Variants in MET observed in about 807,000 individuals in gnomAD.
The protein encoded by MET is MET proto-oncogene, receptor tyrosine kinase.
Under a neutral mutation model 133.1 loss-of-function variants are expected in MET, and 48 were observed. That is an observed-to-expected ratio of 0.36 (90% CI 0.29 to 0.46). The LOEUF (loss-of-function observed/expected upper bound fraction) is 0.46. MET is among the 20% of genes least tolerant of loss of function. The probability of loss-of-function intolerance (pLI) is 1.00; values close to 1 mark genes in which losing one functional copy is unlikely to be tolerated. For missense variants in MET, 1,442 were observed against 1,695.9 expected (o/e 0.85, Z 2.63); for synonymous variants, 628 against 616.5 (o/e 1.02, Z -0.28).
chr7:116,726,426 G>A (rs778787496), intron 2 of MET, among the ~76,000 whole-genome samples: 3 of 151,416 alleles, frequency 2.0e-5, no homozygotes, highest in Non-Finnish European at 2.9e-5. Flanking sequence ...CAAGCTATAC[G>A]GTATCTTCCT....
chr7:116,675,926 T>C (rs955999291), intron 1 of MET, among the ~76,000 whole-genome samples: 2 of 152,194 alleles, frequency 1.3e-5, no homozygotes, highest in Non-Finnish European at 2.9e-5. Context: ...TCAGATATCT[T>C]TTCAGCTGTG....
intron 11 of MET, among the ~76,000 whole-genome samples, chr7:116,766,597 C>G (rs1306125971): frequency 6.6e-6 from 1 of 152,114 alleles, no homozygotes; most frequent in African/African-American, 2.4e-5. Flanking sequence ...GTTCTGAGTC[C>G]AGACAGGATA....
chr7:116,713,018 C>A (rs1437669799), intron 2 of MET, among the ~76,000 whole-genome samples: 2 of 152,108 alleles, frequency 1.3e-5, no homozygotes, highest in Non-Finnish European at 2.9e-5. Flanking sequence ...AGTAGAGATA[C>A]CCCCTTGAAA....
chr7:116,740,832 T>C lies in MET; in HGVS notation c.1528-20T>C, dbSNP rs2116833304. 1 of 1,613,668 alleles carries C rather than the reference T, an allele frequency of 6.2e-7. No homozygotes were observed. Among genetic ancestry groups the C allele is most frequent in the Non-Finnish European group, 8.5e-7 (1 of 1,179,964 alleles). On this transcript the variant is annotated intron_variant, in intron 4 of 20. Transcript: ENST00000397752. ...ACTAGATACCCCTCTGGAAGCTCTTTCCACCCCTTCTCTTCACAGATCACG... is the reference window on the plus strand; with the variant it reads ...ACTAGATACCCCTCTGGAAGCTCTTCCCACCCCTTCTCTTCACAGATCACG...
intron 19 of MET, among the ~76,000 whole-genome samples, chr7:116,785,978 G>A (rs2117075992): frequency 6.6e-6 from 1 of 152,322 alleles, no homozygotes; most frequent in South Asian, 2.1e-4. Flanking sequence ...ATGTGAATCT[G>A]CAACTTGTAA....
intron 17 of MET, 56 bp downstream of exon 17, chr7:116,779,013 T>A: frequency 6.4e-7 from 1 of 1,562,192 alleles, no homozygotes; most frequent in Non-Finnish European, 8.8e-7. Context: ...CAGCCATCCC[T>A]TCAAAATAGG....
intron 1 of MET, among the ~76,000 whole-genome samples, chr7:116,686,774 G>C (rs1352971438): frequency 6.6e-6 from 1 of 152,128 alleles, no homozygotes; most frequent in Non-Finnish European, 1.5e-5. Flanking sequence ...TGTCAACCCA[G>C]CCCACCTGGC....
At chr7:116,716,183 G>A (rs1017727184) in intron 2 of MET, among the ~76,000 whole-genome samples, 9 of 151,548 alleles carry the variant, frequency 5.9e-5, no homozygotes, top group African/African-American at 2.2e-4. Context: ...GCCCAGAAGG[G>A]AAGAGGTTGC....
At chr7:116,789,448 G>A (rs376914803) in intron 19 of MET, among the ~76,000 whole-genome samples, 5 of 152,002 alleles carry the variant, frequency 3.3e-5, no homozygotes, top group Admixed American at 1.3e-4. Context: ...TTCAGTGTTC[G>A]GTTTTTCAGG....
At chr7:116,774,785 TATCA>T (rs1184886521) in intron 14 of MET, 92 bp from the exon 15 acceptor site, 2 of 911,802 alleles carry the variant, frequency 2.2e-6, no homozygotes, top group South Asian at 1.4e-5. Flanking sequence ...TTATCATTTT[TATCA>T]AACTAATTCC....
intron 2 of MET, among the ~76,000 whole-genome samples, chr7:116,709,593 C>T (rs956328465): frequency 6.6e-6 from 1 of 151,896 alleles, no homozygotes; most frequent in African/African-American, 2.4e-5. Context: ...GGGTGTTTTC[C>T]AAGGGAATAG....
At chr7:116,727,344 C>T (rs1406831574) in intron 2 of MET, among the ~76,000 whole-genome samples, 1 of 152,146 alleles carries the variant, frequency 6.6e-6, no homozygotes, top group Non-Finnish European at 1.5e-5. Flanking sequence ...GTGACTGAGC[C>T]CTCGGCTCAC....
chr7:116,680,181 T>C (rs1374794377), intron 1 of MET, among the ~76,000 whole-genome samples: 1 of 152,006 alleles, frequency 6.6e-6, no homozygotes, highest in African/African-American at 2.4e-5. Flanking sequence ...TCATTACAGC[T>C]TGTTTTGACA....
rs1041497799 is a variant in MET, at chr7:116,771,695, G to C, written c.2887+41G>C. 9 of 1,611,090 alleles carry C rather than the reference G, an allele frequency of 5.6e-6. No homozygotes were observed. In the African/African-American group the frequency reaches 9.3e-5, roughly 17 times the overall value. On this transcript the variant is annotated intron_variant, in intron 13 of 20. Coordinates refer to ENST00000397752, the MANE Select transcript of MET (RefSeq NM_000245.4). Reference sequence around the variant, plus strand: ...TGTTCATTTTTAGAAGTTACCTTAAGAACACAGTCATTACAGTTTAAGATT... The same window carrying C: ...TGTTCATTTTTAGAAGTTACCTTAACAACACAGTCATTACAGTTTAAGATT...
At chr7:116,737,510 A>G (rs926841782) in intron 3 of MET, among the ~76,000 whole-genome samples, 11 of 152,236 alleles carry the variant, frequency 7.2e-5, no homozygotes, top group Admixed American at 6.5e-4. Context: ...GGTCAAGCAC[A>G]TGGATTCTGG....
At chr7:116,726,167 A>ACACACACACAC (rs1271865735) in intron 2 of MET, among the ~76,000 whole-genome samples, 8 of 122,036 alleles carry the variant, frequency 6.6e-5, no homozygotes, top group South Asian at 2.7e-4. Flanking sequence ...ATATATATAT[A>ACACACACACAC]TATATATATA....
At chr7:116,762,751 C>T (rs770600770) in intron 10 of MET, among the ~76,000 whole-genome samples, 4 of 152,092 alleles carry the variant, frequency 2.6e-5, no homozygotes, top group Non-Finnish European at 4.4e-5. Flanking sequence ...GCAGTTCCTC[C>T]AGGTGACTGT....
At chr7:116,714,704 TA>T (rs1263668056) in intron 2 of MET, among the ~76,000 whole-genome samples, 3 of 151,922 alleles carry the variant, frequency 2.0e-5, no homozygotes, top group South Asian at 2.1e-4. Flanking sequence ...ATTTTGTTTA[TA>T]TTTTTTTCCC....
Position 116,677,460 on chromosome 7 carries a change from G to A in MET, c.-15+4883G>A, listed in dbSNP as rs776103715. Among the ~76,000 whole-genome samples, 16 of 152,222 alleles carry A rather than the reference G, an allele frequency of 1.1e-4. 1 individual carries two copies. The highest frequency in any genetic ancestry group is 2.1e-4 in the South Asian group (1 of 4,828). ...AGCAGAGGGGCAGTCACTGCTTGGC[G>A]TGATTAGAGCTGTTGTGAGGCTCAG... is the stretch of plus-strand genomic sequence containing the variant. On this transcript the variant is annotated intron_variant, in intron 1 of 20. Transcript: ENST00000397752.
Sources: gnomAD v4.1 joint callset for allele counts (sites outside exome capture counted in the v4.1 genomes callset) on GRCh38, gnomAD v4.1.1 for gene constraint, MANE v1.5 for transcripts, NCBI Gene and HGNC (gene_info 2026-07-23, HGNC 2026-07-21) for gene names.